TMEM260: variants seen among roughly 807,000 people sequenced by gnomAD.
The protein encoded by TMEM260 is protein O-mannosyl-transferase TMEM260.
A neutral mutation model predicts 88.9 loss-of-function variants in TMEM260; 82 were observed. That is an observed-to-expected ratio of 0.92 (90% CI 0.77 to 1.11). TMEM260 has a LOEUF of 1.11. Ranked by LOEUF, TMEM260 falls within the 50% of genes least tolerant of loss-of-function variation. The pLI, the probability that TMEM260 is intolerant of heterozygous loss-of-function variation, is 0.00. For synonymous variants in TMEM260, 314 were observed against 309.3 expected (o/e 1.02, Z -0.16); for missense variants, 902 against 853.4 (o/e 1.06, Z -0.71).
At chr14:56,599,772 A>G (rs144920081) in intron 3 of TMEM260, among the ~76,000 whole-genome samples, 1 of 152,328 alleles carries the variant, frequency 6.6e-6, no homozygotes, top group East Asian at 1.9e-4. Flanking sequence ...ATCTTTGGAA[A>G]CAGAATCAAT....
At chr14:56,602,879 T>C (rs1330879639) in intron 3 of TMEM260, among the ~76,000 whole-genome samples, 1 of 152,112 alleles carries the variant, frequency 6.6e-6, no homozygotes, top group Non-Finnish European at 1.5e-5. Flanking sequence ...AAGGATACAG[T>C]TGAAAATCAA....
chr14:56,615,810 G>A (rs1887557894), intron 7 of TMEM260, 134 bp from the exon 8 acceptor site: 1 of 597,642 alleles, frequency 1.7e-6, no homozygotes, highest in Non-Finnish European at 2.9e-6. Context: ...AACTTTAAAA[G>A]ACAAAATTTT....
rs1221265211 is a variant in TMEM260, at chr14:56,636,719, G to T, written c.1869+121G>T. On this transcript the variant is annotated intron_variant, in intron 15 of 15. Coordinates refer to ENST00000261556, the MANE Select transcript of TMEM260 (RefSeq NM_017799.4). ...TTATTATTTTATTTCTCTCAATTTG[G>T]GTGGTATAAAGCAGCACATATGAAC... 6.7e-6 allele frequency: 6 copies of T among 891,910 alleles called. No individual in the cohort carries two copies. The African/African-American group carries it at 8.4e-5, about 12-fold the overall frequency. The allele number at this position is 891,910 out of a possible 1,614,324, so 55.2% of individuals were successfully genotyped here. A position where few individuals can be genotyped will look rare whatever the true frequency, so the allele number is the denominator to read the frequency against.
chr14:56,628,518 C>G (rs144551275), intron 12 of TMEM260, among the ~76,000 whole-genome samples: 21 of 151,928 alleles, frequency 1.4e-4, no homozygotes, highest in African/African-American at 5.1e-4. Context: ...TCTATGAGTT[C>G]TATAGTTTTG....
At chr14:56,594,707 T>G (rs933467610) in intron 3 of TMEM260, among the ~76,000 whole-genome samples, 2 of 152,214 alleles carry the variant, frequency 1.3e-5, no homozygotes, top group African/African-American at 4.8e-5. Flanking sequence ...AGATTAACAA[T>G]TTCATTTAAA....
intron 11 of TMEM260, among the ~76,000 whole-genome samples, chr14:56,624,237 TGTCTA>T (rs1461941492): frequency 6.6e-6 from 1 of 152,132 alleles, no homozygotes; most frequent in Non-Finnish European, 1.5e-5. Flanking sequence ...TTGTCTAGGT[TGTCTA>T]GTCTGGCCAT....
chr14:56,595,928 G>A (rs1490053810), intron 3 of TMEM260, among the ~76,000 whole-genome samples: 1 of 152,004 alleles, frequency 6.6e-6, no homozygotes, highest in Admixed American at 6.6e-5. Flanking sequence ...GGTACAGAAT[G>A]ATAAAATAAT....
the TMEM260 span, among the ~76,000 whole-genome samples, chr14:56,657,021 C>T: frequency 6.6e-6 from 1 of 152,214 alleles, no homozygotes; most frequent in African/African-American, 2.4e-5. Flanking sequence ...ACATTATCTC[C>T]TCTTCTTCCC....
the TMEM260 span, among the ~76,000 whole-genome samples, chr14:56,657,555 A>G: frequency 5.1e-4 from 78 of 152,340 alleles, no homozygotes; most frequent in African/African-American, 1.7e-3. Context: ...TCCCCGACAG[A>G]GCTTCCATTC....
At chr14:56,633,554 T>G (rs1888789316) in intron 13 of TMEM260, 1 of 155,318 alleles carries the variant, frequency 6.4e-6, no homozygotes, top group South Asian at 2.0e-4. Flanking sequence ...ATAGTTTCCA[T>G]ATGCACAAAC....
At position 56,593,977 on chromosome 14, in the gene TMEM260, G is replaced by A. The variant is rs995757626; in HGVS notation, c.344+8065G>A. Among the ~76,000 whole-genome samples the A allele has an allele frequency of 5.9e-5, 9 of 152,184 alleles. No individual in the cohort carries two copies. In the East Asian group the frequency reaches 1.2e-3, roughly 20 times the overall value. The stretch of plus-strand genomic sequence containing the variant: ...GCTGGTATTACAGGCGTGAGCCACC[G>A]CGCCCGGCCGTGAGTGTCTTTTATA... On this transcript the variant is annotated intron_variant, in intron 3 of 15. Coordinates refer to ENST00000261556, the MANE Select transcript of TMEM260 (RefSeq NM_017799.4).
At chr14:56,634,864 G>A in intron 13 of TMEM260, 35 bp from the exon 14 acceptor site, 1 of 1,554,816 alleles carries the variant, frequency 6.4e-7, no homozygotes, top group Non-Finnish European at 8.8e-7. Flanking sequence ...AAAAGTGGGT[G>A]ACAGAAAGAT....
chr14:56,636,433 C>A, intron 14 of TMEM260, 75 bp from the exon 15 acceptor site: 2 of 1,144,248 alleles, frequency 1.7e-6, no homozygotes, highest in Non-Finnish European at 2.6e-6. Flanking sequence ...AGTGGAGAAG[C>A]CTGGAAGATT....
At chr14:56,581,120 T>G (rs1430417003) in intron 1 of TMEM260, among the ~76,000 whole-genome samples, 2 of 152,172 alleles carry the variant, frequency 1.3e-5, no homozygotes, top group Non-Finnish European at 2.9e-5. Flanking sequence ...TTAACTGACT[T>G]CTGTCAAGAA....
intron 3 of TMEM260, among the ~76,000 whole-genome samples, chr14:56,594,554 A>G (rs1886090308): frequency 6.6e-6 from 1 of 152,186 alleles, no homozygotes; most frequent in African/African-American, 2.4e-5. Flanking sequence ...TGATTATGTC[A>G]TTTTTATTTG....
At chr14:56,618,893 C>T (rs1887745941) in intron 10 of TMEM260, 130 bp downstream of exon 10, 1 of 869,978 alleles carries the variant, frequency 1.1e-6, no homozygotes, top group Non-Finnish European at 1.7e-6. Context: ...TGGTTGAATG[C>T]AGTAGTTCTT....
intron 4 of TMEM260, 97 bp from the exon 5 acceptor site, chr14:56,605,473 A>C (rs1325079394): frequency 1.7e-5 from 9 of 531,156 alleles, no homozygotes; most frequent in Non-Finnish European, 2.9e-5. Context: ...CTAACATGAT[A>C]CGAATGCTTG....
At chr14:56,653,746 A>AAAAAAAAAACAAAAC (rs1555343594), downstream of TMEM260, among the ~76,000 whole-genome samples, 1,933 of 86,064 alleles carry the variant, frequency 0.022, 78 homozygotes, top group African/African-American at 0.051. Flanking sequence ...CAAAACAAAA[A>AAAAAAAAAACAAAAC]AAAAAAAAAC....
intron 11 of TMEM260, 54 bp from the exon 12 acceptor site, chr14:56,625,328 T>G (rs1888179073): frequency 6.3e-7 from 1 of 1,579,716 alleles, no homozygotes; most frequent in African/African-American, 1.4e-5. Context: ...ATAAACTTGA[T>G]TCTTTCTAAG....
Sources: allele counts gnomAD v4.1 joint callset (sites outside exome capture counted in the v4.1 genomes callset), GRCh38; gene constraint gnomAD v4.1.1; transcripts MANE v1.5; gene names NCBI Gene and HGNC (gene_info 2026-07-23, HGNC 2026-07-21).